MFAP1: variants seen among roughly 807,000 people sequenced by gnomAD.
MFAP1 encodes the protein microfibrillar-associated protein 1.
Under a neutral mutation model 62.2 loss-of-function variants are expected in MFAP1, and 18 were observed. That is an observed-to-expected ratio of 0.29 (90% CI 0.20 to 0.43). MFAP1 has a LOEUF of 0.43. Among genes scored for constraint, MFAP1 ranks in the 20% least tolerant of loss-of-function variants. MFAP1 has a pLI of 1.00. For synonymous variants in MFAP1, 175 were observed against 180.4 expected (o/e 0.97, Z 0.24); for missense variants, 355 against 559.7 (o/e 0.63, Z 3.69).
chr15:43,818,036 T>C (rs1047693361), intron 1 of MFAP1, among the ~76,000 whole-genome samples: 3 of 151,376 alleles, frequency 2.0e-5, no homozygotes, highest in African/African-American at 7.3e-5. Context: ...TTTTTTTTTT[T>C]TGAGACGGAG....
chr15:43,805,613 ATTCTT>A, intron 7 of MFAP1, 148 bp from the exon 8 acceptor site: 4 of 631,658 alleles, frequency 6.3e-6, no homozygotes, highest in African/African-American at 5.7e-5. Flanking sequence ...AAGAGATGAC[ATTCTT>A]TTTTTTTTTT....
At chr15:43,807,759 A>T (rs758843816) in intron 7 of MFAP1, among the ~76,000 whole-genome samples, 37 of 152,188 alleles carry the variant, frequency 2.4e-4, no homozygotes, top group Non-Finnish European at 4.9e-4. Flanking sequence ...CTTTACTTTT[A>T]CTTATGTTAT....
In MFAP1 at chr15:43,805,136, A is replaced by G. The variant is rs114732614; in HGVS notation, c.1278T>C (p.Asp426=). ...TCTTGGCAGATGGCCGCTCAAATAC[A>G]TCTCGTACCCCAGCTGCCTTTTGTT... is the stretch of plus-strand genomic sequence containing the variant. ...FFKQKAAGVR[D]VFERPSAKKR... is the part of the protein sequence containing the mutation. The change falls in exon 9 of 9, where the codon GAT becomes GAC. Residue 426 remains aspartate, a synonymous_variant. Coordinates refer to ENST00000267812, the MANE Select transcript of MFAP1 (RefSeq NM_005926.3). 656 of 1,598,224 alleles carry G rather than the reference A, an allele frequency of 4.1e-4. 1 individual carries two copies. Among genetic ancestry groups the G allele is most frequent in the Non-Finnish European group, 5.4e-4 (631 of 1,166,768 alleles).
At chr15:43,815,143 T>C in intron 2 of MFAP1, 69 bp from the exon 3 acceptor site, 2 of 1,594,102 alleles carry the variant, frequency 1.3e-6, no homozygotes, top group East Asian at 2.2e-5. Context: ...TGCATTTCCA[T>C]AGCCACAGAG....
intron 1 of MFAP1, among the ~76,000 whole-genome samples, chr15:43,821,820 T>G (rs954777214): frequency 1.3e-5 from 2 of 152,070 alleles, no homozygotes; most frequent in African/African-American, 4.8e-5. Flanking sequence ...TAGAAAACCT[T>G]TACAATATGA....
rs1444086770 is a variant in MFAP1 at position 43,815,051 on chromosome 15, A to G, written c.323T>C (p.Val108Ala). The change falls in exon 3 of 9, where the codon GTG (valine) becomes GCG (alanine). Residue 108 changes from valine to alanine, a missense_variant. Val to Ala is a moderately conservative substitution (Grantham distance 64). Coordinates refer to ENST00000267812, the MANE Select transcript of MFAP1 (RefSeq NM_005926.3). ...EERLARHRKIVEPEVVGESDS... is the reference protein window; with the variant it reads ...EERLARHRKIAEPEVVGESDS... ...ACTCTCTCCTACCACTTCAGGTTCCACTATTTTTCGATGTCGAGCCAATCT... is the reference window on the plus strand; with the variant it reads ...ACTCTCTCCTACCACTTCAGGTTCCGCTATTTTTCGATGTCGAGCCAATCT... 1.2e-6 allele frequency: 2 copies of G among 1,613,960 alleles called. No homozygotes were observed. Among genetic ancestry groups the G allele is most frequent in the Non-Finnish European group, 1.7e-6 (2 of 1,180,042 alleles).
Position 43,809,853 on chromosome 15 carries a change from C to T in MFAP1, c.949G>A (p.Ala317Thr). 1 of 1,614,156 alleles carries T rather than the reference C, an allele frequency of 6.2e-7. No homozygotes were observed. Among genetic ancestry groups the T allele is most frequent in the Non-Finnish European group, 8.5e-7 (1 of 1,180,034 alleles). Residue 317 changes from alanine (A) to threonine (T), a missense_variant, in exon 7 of 9, where the codon GCT becomes ACT. By Grantham distance (58) the Ala-to-Thr change is moderately conservative. Coordinates refer to ENST00000267812, the MANE Select transcript of MFAP1 (RefSeq NM_005926.3). ...ACTTTGCCGTTTGCCCGAAGTTCAG[C>T]TCTCCTCTCTTCCTCAGTCAGGTTT... ...MRNLTEEERR[A>T]ELRANGKVIT...
chr15:43,815,362 G>T (rs1308735228), intron 2 of MFAP1, among the ~76,000 whole-genome samples: 3 of 151,960 alleles, frequency 2.0e-5, no homozygotes, highest in Non-Finnish European at 2.9e-5. Context: ...ATTTTTTGTA[G>T]AGACGGGGTT....
At chr15:43,822,219 A>C (rs1042191905) in intron 1 of MFAP1, among the ~76,000 whole-genome samples, 104 of 151,534 alleles carry the variant, frequency 6.9e-4, no homozygotes, top group South Asian at 4.8e-3. Context: ...AAAAAAAAAA[A>C]GCCCAGCATC....
In MFAP1 at chr15:43,805,085, A is replaced by G. The variant is rs1217734670; in HGVS notation, c.*9T>C. On this transcript the variant is annotated 3_prime_UTR_variant, in exon 9 of 9. Coordinates refer to ENST00000267812, the MANE Select transcript of MFAP1 (RefSeq NM_005926.3). ...GTGTTCCACAGTTGGAAGAATAAGC[A>G]GTTGGACCCTAGGTAGTTTTCCGCT... 6.4e-7 allele frequency: 1 copy of G among 1,566,892 alleles called. No homozygotes were observed. Among genetic ancestry groups the G allele is most frequent in the East Asian group, 2.3e-5 (1 of 43,872 alleles).
intron 7 of MFAP1, 79 bp downstream of exon 7, chr15:43,809,676 A>G: frequency 6.6e-7 from 1 of 1,519,150 alleles, no homozygotes; most frequent in Admixed American, 1.9e-5. Context: ...ATTCCAGAAT[A>G]TTCTTGAAGA....
At chr15:43,810,031 A>G (rs535171237) in intron 6 of MFAP1, 117 bp from the exon 7 acceptor site, 15 of 1,229,630 alleles carry the variant, frequency 1.2e-5, no homozygotes, top group Non-Finnish European at 1.6e-5. Flanking sequence ...AATTCTAGTC[A>G]TTGCCTATTA....
chr15:43,812,926 C>A, intron 6 of MFAP1, 61 bp downstream of exon 6: 1 of 1,577,800 alleles, frequency 6.3e-7, no homozygotes. Context: ...AGTCTCAGAG[C>A]TATCCTGCTA....
chr15:43,811,809 A>C (rs1212686300), intron 6 of MFAP1, among the ~76,000 whole-genome samples: 1 of 151,896 alleles, frequency 6.6e-6, no homozygotes, highest in Non-Finnish European at 1.5e-5. Context: ...CGCCCAGCCT[A>C]GAGTTATCTA....
intron 1 of MFAP1, among the ~76,000 whole-genome samples, chr15:43,821,689 C>T (rs953934715): frequency 2.0e-5 from 3 of 152,056 alleles, no homozygotes; most frequent in African/African-American, 7.2e-5. Context: ...GGATTAAAGA[C>T]GCAACTATGA....
chr15:43,805,004 G>A lies in MFAP1; in HGVS notation c.*90C>T, dbSNP rs190718075. 1.0e-3 allele frequency: 1,389 copies of A among 1,363,370 alleles called. 10 individuals carry two copies. The highest frequency in any genetic ancestry group is 6.1e-4 in the East Asian group (26 of 42,882). The allele number at this position is 1,363,370 out of a possible 1,614,324, so 84.5% of individuals were successfully genotyped here. A position where few individuals can be genotyped will look rare whatever the true frequency, so the allele number is the denominator to read the frequency against. On this transcript the variant is annotated 3_prime_UTR_variant, in exon 9 of 9. Coordinates refer to ENST00000267812, the MANE Select transcript of MFAP1 (RefSeq NM_005926.3). ...CAGTAAGTCCAATATCTGGATACAG[G>A]GGCCAAGGAAACAATGAAAAAACCA...
At chr15:43,824,466 T>C (rs201553086) in intron 1 of MFAP1, 25 bp downstream of exon 1, 320 of 1,612,656 alleles carry the variant, frequency 2.0e-4, no homozygotes, top group Non-Finnish European at 2.5e-4. Flanking sequence ...AAAATTCGAC[T>C]GGGAAGAGGG....
At chr15:43,811,140 C>T (rs1396703656) in intron 6 of MFAP1, among the ~76,000 whole-genome samples, 3 of 149,098 alleles carry the variant, frequency 2.0e-5, no homozygotes, top group African/African-American at 2.5e-5. Flanking sequence ...GAGGGCCAGG[C>T]GTGGTGGCTC....
intron 2 of MFAP1, 63 bp from the exon 3 acceptor site, chr15:43,815,137 T>C: frequency 1.2e-6 from 2 of 1,602,736 alleles, no homozygotes; most frequent in African/African-American, 2.7e-5. Flanking sequence ...ATCAACTGCA[T>C]TTCCATAGCC....
Sources: allele counts gnomAD v4.1 joint callset (sites outside exome capture counted in the v4.1 genomes callset), GRCh38; gene constraint gnomAD v4.1.1; transcripts MANE v1.5; gene names NCBI Gene and HGNC (gene_info 2026-07-23, HGNC 2026-07-21).